STARD13: variants seen among roughly 807,000 people sequenced by gnomAD.
The protein encoded by STARD13 is StAR related lipid transfer domain containing 13, also known as stAR-related lipid transfer protein 13.
Under a neutral mutation model 106.4 loss-of-function variants are expected in STARD13, and 62 were observed. That is an observed-to-expected ratio of 0.58 (90% CI 0.48 to 0.72). The LOEUF (loss-of-function observed/expected upper bound fraction) is 0.72. Among genes scored for constraint, STARD13 ranks in the 30% least tolerant of loss-of-function variants. The probability of loss-of-function intolerance (pLI) is 0.00; values close to 1 mark genes in which losing one functional copy is unlikely to be tolerated. For missense variants in STARD13, 1,387 were observed against 1,424.0 expected, an observed-to-expected ratio of 0.97 and a Z score of 0.42; for synonymous variants, 565 against 553.0, an observed-to-expected ratio of 1.02 and a Z score of -0.31.
the STARD13 span, among the ~76,000 whole-genome samples, chr13:33,398,035 G>A: frequency 6.6e-6 from 1 of 152,220 alleles, no homozygotes; most frequent in African/African-American, 2.4e-5. Flanking sequence ...GACAGAAGCA[G>A]CAAACATAGC....
At chr13:33,251,292 A>G in intron 1 of STARD13, among the ~76,000 whole-genome samples, 1 of 152,210 alleles carries the variant, frequency 6.6e-6, no homozygotes, top group East Asian at 1.9e-4. Flanking sequence ...CAGGATGATC[A>G]AATGACAAGA....
chr13:33,584,689 A>C, the STARD13 span, among the ~76,000 whole-genome samples: 1 of 152,240 alleles, frequency 6.6e-6, no homozygotes, highest in African/African-American at 2.4e-5. Context: ...AAATTAGCAA[A>C]ATGGGCACCG....
chr13:33,424,144 A>G, the STARD13 span, among the ~76,000 whole-genome samples: 4 of 152,118 alleles, frequency 2.6e-5, no homozygotes, highest in Non-Finnish European at 5.9e-5. Flanking sequence ...AATCTGTTAT[A>G]CCAAAACAAC....
At chr13:33,499,529 TTC>T in the STARD13 span, among the ~76,000 whole-genome samples, 6,391 of 47,168 alleles carry the variant, frequency 0.14, 521 homozygotes, top group South Asian at 0.17. Context: ...TTTCTTCTTC[TTC>T]TTCTTCTTCT....
At chr13:33,418,783 G>C in the STARD13 span, among the ~76,000 whole-genome samples, 3 of 152,222 alleles carry the variant, frequency 2.0e-5, no homozygotes, top group Admixed American at 6.5e-5. Context: ...TGCAATATTT[G>C]CTGTTATGCA....
chr13:33,342,751 A>C (rs2077974663), intron 1 of STARD13, among the ~76,000 whole-genome samples: 1 of 152,210 alleles, frequency 6.6e-6, no homozygotes, highest in African/African-American at 2.4e-5. Flanking sequence ...ACTCTATCAC[A>C]AAAGATTATG....
chr13:33,454,778 G>T, the STARD13 span, among the ~76,000 whole-genome samples: 2 of 152,230 alleles, frequency 1.3e-5, no homozygotes, highest in South Asian at 4.1e-4. Flanking sequence ...AGTAGAAAAC[G>T]AATGAAGGGG....
the STARD13 span, among the ~76,000 whole-genome samples, chr13:33,668,347 G>T: frequency 6.6e-6 from 1 of 152,182 alleles, no homozygotes; most frequent in Admixed American, 6.5e-5. Context: ...ATGCAAACTT[G>T]AATATTTGAA....
the STARD13 span, among the ~76,000 whole-genome samples, chr13:33,421,973 A>T: frequency 6.6e-6 from 1 of 152,166 alleles, no homozygotes; most frequent in East Asian, 1.9e-4. Context: ...TTTATGACAA[A>T]CCCACAGCCA....
chr13:33,283,666 T>C (rs1891916544), intron 1 of STARD13, among the ~76,000 whole-genome samples: 1 of 152,188 alleles, frequency 6.6e-6, no homozygotes, highest in South Asian at 2.1e-4. Flanking sequence ...TTTTAAGTGT[T>C]AGGCATTCAT....
chr13:33,130,197 G>A lies in STARD13; in HGVS notation c.480C>T (p.Tyr160=). Residue 160 remains tyrosine (Y), a synonymous_variant, in exon 5 of 14, where the codon TAC becomes TAT. Coordinates refer to ENST00000336934, the MANE Select transcript of STARD13 (RefSeq NM_178006.4). The surrounding 1 kb of genome is among the most constrained non-coding windows in gnomAD (Gnocchi z 4.1). ...TTCTGTCTCCTCGAGGGAGCAGCGT[G>A]TAGAGGTCGTCCACACGAGACCACC... The part of the protein sequence containing the change: ...SRRWSRVDDL[Y]TLLPRGDRNG... 2 of 1,613,268 alleles carry A rather than the reference G, an allele frequency of 1.2e-6. No individual in the cohort carries two copies. Among genetic ancestry groups the A allele is most frequent in the Non-Finnish European group, 1.7e-6 (2 of 1,180,034 alleles).
At chr13:33,297,428 A>C (rs574474636) in intron 1 of STARD13, among the ~76,000 whole-genome samples, 41 of 152,260 alleles carry the variant, frequency 2.7e-4, no homozygotes, top group Middle Eastern at 3.4e-3. Context: ...CCTCTCTTTC[A>C]TTCCCTGACT....
Position 33,129,890 on chromosome 13 carries a change from T to C in STARD13, c.787A>G (p.Met263Val). The C allele has an allele frequency of 1.2e-6, 2 of 1,613,162 alleles. No homozygotes were observed. The highest frequency in any genetic ancestry group is 1.1e-5 in the South Asian group (1 of 91,084). ...RARAKSFLKRMETLRGKGAHG... is the reference protein window; with the variant it reads ...RARAKSFLKRVETLRGKGAHG... ...GCTCCCTTCCCTCGGAGTGTTTCCATGCGTTTCAAAAATGATTTGGCCCTA... is the reference window on the plus strand; with the variant it reads ...GCTCCCTTCCCTCGGAGTGTTTCCACGCGTTTCAAAAATGATTTGGCCCTA... Residue 263 changes from methionine to valine, a missense_variant, in exon 5 of 14, where the codon ATG becomes GTG. By Grantham distance (21) the Met-to-Val change is conservative. Transcript: ENST00000336934.
At chr13:33,400,621 C>T in the STARD13 span, among the ~76,000 whole-genome samples, 3 of 152,152 alleles carry the variant, frequency 2.0e-5, no homozygotes, top group Non-Finnish European at 2.9e-5. Flanking sequence ...CCACCATGCC[C>T]AGCTAATTTT....
intron 1 of STARD13, among the ~76,000 whole-genome samples, chr13:33,175,172 T>C (rs1007236008): frequency 3.3e-5 from 5 of 152,212 alleles, no homozygotes; most frequent in African/African-American, 1.2e-4. Flanking sequence ...AAGTTTTCCA[T>C]GAAGCAGAGT....
chr13:33,110,080 C>G lies in STARD13; in HGVS notation c.2840G>C (p.Gly947Ala). 1.2e-6 allele frequency: 2 copies of G among 1,614,118 alleles called. No homozygotes were observed. Among genetic ancestry groups the G allele is most frequent in the Non-Finnish European group, 1.7e-6 (2 of 1,180,012 alleles). Residue 947 changes from glycine to alanine, a missense_variant, in exon 12 of 14, where the codon GGG (glycine) becomes GCG (alanine). Gly to Ala is a moderately conservative substitution (Grantham distance 60). Coordinates refer to ENST00000336934, the MANE Select transcript of STARD13 (RefSeq NM_178006.4). ...AGCCTTCCACAGCTTCAGCGGGTTC[C>G]CGTCGCCCACCTTGGGAAAGACAAC... ...TDLAFKKVGD[G>A]NPLKLWKASV...
chr13:33,584,455 A>C, the STARD13 span, among the ~76,000 whole-genome samples: 1 of 151,826 alleles, frequency 6.6e-6, no homozygotes, highest in Non-Finnish European at 1.5e-5. Flanking sequence ...GACAGCATCA[A>C]GGGGATGGTG....
intron 1 of STARD13, among the ~76,000 whole-genome samples, chr13:33,283,656 T>C (rs1891915919): frequency 6.6e-6 from 1 of 152,174 alleles, no homozygotes; most frequent in South Asian, 2.1e-4. Flanking sequence ...TAACTGTCAG[T>C]TTTAAGTGTT....
chr13:33,158,197 G>C (rs1882203204), intron 3 of STARD13, among the ~76,000 whole-genome samples: 2 of 150,054 alleles, frequency 1.3e-5, no homozygotes, highest in Non-Finnish European at 2.9e-5. Context: ...GAGAAAGAGA[G>C]AGAGAGAGAG....
Sources: gnomAD v4.1 joint callset for allele counts (sites outside exome capture counted in the v4.1 genomes callset) on GRCh38, gnomAD v4.1.1 for gene constraint, Gnocchi (gnomAD v3.1) non-coding constraint, MANE v1.5 for transcripts, NCBI Gene and HGNC (gene_info 2026-07-23, HGNC 2026-07-21) for gene names.